Variants in SCFD2 observed in about 807,000 individuals in gnomAD.
SCFD2 encodes the protein sec1 family domain-containing protein 2.
Under a neutral mutation model 58.9 loss-of-function variants are expected in SCFD2, and 54 were observed. The ratio of observed to expected loss-of-function variants is 0.92; its 90% CI spans 0.74 to 1.15. The LOEUF (loss-of-function observed/expected upper bound fraction) is 1.15, where lower values mean the gene tolerates loss of function less well. SCFD2 is among the 50% of genes most tolerant of loss of function. The probability of loss-of-function intolerance (pLI) is 0.00; values close to 1 mark genes in which losing one functional copy is unlikely to be tolerated. For synonymous variants in SCFD2, 321 were observed against 335.9 expected (o/e 0.96, Z 0.49); for missense variants, 805 against 836.6 (o/e 0.96, Z 0.47).
rs953430010 is a variant in SCFD2 at position 52,946,980 on chromosome 4, A to G, written c.1562-26110T>C. On this transcript the variant is annotated intron_variant, in intron 5 of 8. Coordinates refer to ENST00000401642, the MANE Select transcript of SCFD2 (RefSeq NM_152540.4). Reference sequence around the variant, plus strand: ...CTGTCCTGCTGACAGTTTCCAGCCCATGCAGGCTGCTCACTGTGCCCTGGT... The same window carrying G: ...CTGTCCTGCTGACAGTTTCCAGCCCGTGCAGGCTGCTCACTGTGCCCTGGT... Among the ~76,000 whole-genome samples, 4 of 152,164 alleles carry G rather than the reference A, an allele frequency of 2.6e-5. No individual in the cohort carries two copies. In the South Asian group the frequency reaches 8.3e-4, roughly 32 times the overall value.
intron 5 of SCFD2, among the ~76,000 whole-genome samples, chr4:53,061,022 G>A (rs1723494341): frequency 2.6e-5 from 4 of 152,070 alleles, no homozygotes; most frequent in Admixed American, 6.6e-5. Context: ...TTTGTTAAAA[G>A]TATTAACCAA....
intron 4 of SCFD2, among the ~76,000 whole-genome samples, chr4:53,228,091 A>G (rs754148299): frequency 5.3e-5 from 8 of 152,170 alleles, no homozygotes; most frequent in Non-Finnish European, 1.0e-4. Context: ...TAAAACAGGA[A>G]CAAGGATAGT....
chr4:53,298,382 G>A (rs1326701188), intron 3 of SCFD2, among the ~76,000 whole-genome samples: 3 of 152,210 alleles, frequency 2.0e-5, no homozygotes, highest in Admixed American at 6.5e-5. Flanking sequence ...CGGCAAGGCA[G>A]TAGCGAGGCT....
chr4:53,340,299 C>G (rs779917033), intron 2 of SCFD2, among the ~76,000 whole-genome samples: 14 of 152,238 alleles, frequency 9.2e-5, no homozygotes, highest in Non-Finnish European at 1.8e-4. Context: ...GCAAACGGCA[C>G]ACCAGGAGAT....
chr4:53,071,992 C>A (rs1723829450), intron 5 of SCFD2, among the ~76,000 whole-genome samples: 1 of 152,156 alleles, frequency 6.6e-6, no homozygotes, highest in South Asian at 2.1e-4. Context: ...ACTACCACCA[C>A]CACCCTTTCT....
chr4:53,365,642 A>G lies in SCFD2; in HGVS notation c.300T>C (p.Tyr100=), dbSNP rs1035373982. The G allele has an allele frequency of 1.2e-6, 2 of 1,614,194 alleles. No homozygotes were observed. Among genetic ancestry groups the G allele is most frequent in the Non-Finnish European group, 1.7e-6 (2 of 1,180,032 alleles). ...RDIICRSHFQ[Y]CVVVTTVSHA... is the part of the protein sequence containing the mutation. ...GGCTCACGGTTGTGACCACCACACA[A>G]TACTGGAAGTGACTGCGGCAGATGA... is the stretch of plus-strand genomic sequence containing the variant. The change falls in exon 1 of 9, where the codon TAT becomes TAC. Residue 100 remains tyrosine, a synonymous_variant. Coordinates refer to ENST00000401642, the MANE Select transcript of SCFD2 (RefSeq NM_152540.4). The surrounding 1 kb of genome is among the most constrained non-coding windows in gnomAD (Gnocchi z 4.3).
intron 5 of SCFD2, among the ~76,000 whole-genome samples, chr4:53,022,041 A>G (rs1184408886): frequency 2.6e-5 from 4 of 152,180 alleles, no homozygotes; most frequent in Non-Finnish European, 2.9e-5. Flanking sequence ...GTAAATGCCA[A>G]TGGGGATGTT....
intron 5 of SCFD2, among the ~76,000 whole-genome samples, chr4:52,942,194 G>C (rs2109515222): frequency 6.6e-6 from 1 of 152,304 alleles, no homozygotes; most frequent in Non-Finnish European, 1.5e-5. Flanking sequence ...GTAGAAAGTT[G>C]GTTGTCAAAG....
intron 4 of SCFD2, among the ~76,000 whole-genome samples, chr4:53,273,308 A>C (rs941626182): frequency 7.2e-5 from 11 of 152,208 alleles, no homozygotes; most frequent in African/African-American, 2.7e-4. Flanking sequence ...GTTTCCCATG[A>C]AAATATTTCA....
At chr4:52,979,624 G>C (rs1380306963) in intron 5 of SCFD2, among the ~76,000 whole-genome samples, 1 of 152,084 alleles carries the variant, frequency 6.6e-6, no homozygotes, top group Non-Finnish European at 1.5e-5. Flanking sequence ...ATGTTATTAG[G>C]AACACAGTTT....
chr4:52,887,072 G>A (rs985855140), intron 7 of SCFD2, among the ~76,000 whole-genome samples: 3 of 152,182 alleles, frequency 2.0e-5, no homozygotes, highest in African/African-American at 7.2e-5. Flanking sequence ...CATCCTCCTG[G>A]TTTATGCTAT....
intron 5 of SCFD2, among the ~76,000 whole-genome samples, chr4:53,002,907 G>A (rs1469136215): frequency 7.2e-5 from 11 of 152,270 alleles, no homozygotes; most frequent in South Asian, 2.1e-4. Context: ...AAGGCAAAAC[G>A]GGAGCAGATA....
intron 5 of SCFD2, among the ~76,000 whole-genome samples, chr4:53,113,220 T>C (rs1191644973): frequency 2.0e-5 from 3 of 152,106 alleles, no homozygotes; most frequent in Non-Finnish European, 1.5e-5. Context: ...CAAATATTTC[T>C]GGTTTTCTTC....
At chr4:52,877,561 C>T (rs1330090622) in intron 8 of SCFD2, among the ~76,000 whole-genome samples, 1 of 152,130 alleles carries the variant, frequency 6.6e-6, no homozygotes, top group Non-Finnish European at 1.5e-5. Flanking sequence ...TGATACCCAC[C>T]CCACATGATT....
At chr4:53,289,167 C>A (rs1207665391) in intron 3 of SCFD2, among the ~76,000 whole-genome samples, 1 of 152,122 alleles carries the variant, frequency 6.6e-6, no homozygotes, top group Non-Finnish European at 1.5e-5. Context: ...GAGTTTGAGA[C>A]CAGCCTGACC....
chr4:52,974,787 A>C (rs1344748623), intron 5 of SCFD2, among the ~76,000 whole-genome samples: 1 of 152,106 alleles, frequency 6.6e-6, no homozygotes, highest in Admixed American at 6.6e-5. Context: ...AGGCTACAGT[A>C]ACCAAAACAG....
At chr4:53,094,716 T>TA (rs576892728) in intron 5 of SCFD2, among the ~76,000 whole-genome samples, 173 of 148,388 alleles carry the variant, frequency 1.2e-3, no homozygotes, top group African/African-American at 2.7e-3. Context: ...TCTTTTATCT[T>TA]AAAAAAAAAA....
intron 4 of SCFD2, among the ~76,000 whole-genome samples, chr4:53,271,325 A>G (rs56734661): frequency 6.6e-6 from 1 of 151,932 alleles, no homozygotes; most frequent in South Asian, 2.1e-4. Context: ...GCACACACAC[A>G]CACACACAGC....
At position 53,356,773 on chromosome 4, in the gene SCFD2, G is replaced by C. The variant is rs192490072; in HGVS notation, c.839-4007C>G. Among the ~76,000 whole-genome samples the C allele has an allele frequency of 1.4e-4, 17 of 117,572 alleles. No individual in the cohort carries two copies. The East Asian group carries it at 3.8e-3, about 27-fold the overall frequency. The allele number at this position is 117,572 out of a possible 152,430, so 77.1% of individuals were successfully genotyped here. On this transcript the variant is annotated intron_variant, in intron 1 of 8. Coordinates refer to ENST00000401642, the MANE Select transcript of SCFD2 (RefSeq NM_152540.4). The stretch of plus-strand genomic sequence containing the variant: ...TTTTGTTGAGACATAGTCTTGCTCT[G>C]TCACCCAGCCTGGAGTGCAGTGGCG...
Sources: allele counts gnomAD v4.1 joint callset (sites outside exome capture counted in the v4.1 genomes callset), GRCh38; gene constraint gnomAD v4.1.1; non-coding constraint Gnocchi (gnomAD v3.1); transcripts MANE v1.5; gene names NCBI Gene and HGNC (gene_info 2026-07-23, HGNC 2026-07-21).